Variants in PNKD observed in about 807,000 individuals in gnomAD.
PNKD encodes the protein PNKD metallo-beta-lactamase domain containing.
A neutral mutation model predicts 45.3 loss-of-function variants in PNKD; 36 were observed. That is an observed-to-expected ratio of 0.80 (90% confidence interval 0.61 to 1.05). The LOEUF (loss-of-function observed/expected upper bound fraction) is 1.05, where lower values mean the gene tolerates loss of function less well. Ranked by LOEUF, PNKD falls within the 50% of genes least tolerant of loss-of-function variation. The pLI, the probability that PNKD is intolerant of heterozygous loss-of-function variation, is 0.00. For missense variants in PNKD, 511 were observed against 506.6 expected, an observed-to-expected ratio of 1.01 and a Z score of -0.08; for synonymous variants, 197 against 210.1, an observed-to-expected ratio of 0.94 and a Z score of 0.54.
Position 218,277,198 on chromosome 2 carries a change from G to T in PNKD, c.236+5649G>T, listed in dbSNP as rs1314661664. 7.6e-6 allele frequency: 9 copies of T among 1,188,526 alleles called. No homozygotes were observed. The Admixed American group carries it at 1.1e-4, about 14-fold the overall frequency. The allele number at this position is 1,188,526 out of a possible 1,614,324, so 73.6% of individuals were successfully genotyped here. A position where few individuals can be genotyped will look rare whatever the true frequency, so the allele number is the denominator to read the frequency against. On this transcript the variant is annotated intron_variant, in intron 2 of 9. Transcript: ENST00000273077. ...GAGTCCCAGTGCTGCCTCCTAGGGG[G>T]TATGGGAATGTCCACAACATTCTAA... is the stretch of plus-strand genomic sequence containing the variant.
Position 218,320,051 on chromosome 2 carries a change from C to T in PNKD, c.237-19732C>T, listed in dbSNP as rs77206359. Among the ~76,000 whole-genome samples, 686 of 152,320 alleles carry T rather than the reference C, an allele frequency of 4.5e-3. 7 individuals are homozygous for T. Among genetic ancestry groups the T allele is most frequent in the African/African-American group, 0.015 (640 of 41,576 alleles). Reference sequence around the variant, plus strand: ...CTGGTCCGTGGTGACAAGGGAAAGGCATCTGAGGAGGTTGAAGAGACAGGC... The same window carrying T: ...CTGGTCCGTGGTGACAAGGGAAAGGTATCTGAGGAGGTTGAAGAGACAGGC... On this transcript the variant is annotated intron_variant, in intron 2 of 9. Coordinates refer to ENST00000273077, the MANE Select transcript of PNKD (RefSeq NM_015488.5).
intron 2 of PNKD, among the ~76,000 whole-genome samples, chr2:218,312,792 G>C (rs1406586122): frequency 6.6e-6 from 1 of 151,926 alleles, no homozygotes; most frequent in African/African-American, 2.4e-5. Context: ...AGAATCTCTT[G>C]AACCCGGGAA....
At chr2:218,302,741 C>A (rs568189948) in intron 2 of PNKD, among the ~76,000 whole-genome samples, 9 of 152,258 alleles carry the variant, frequency 5.9e-5, no homozygotes, top group African/African-American at 2.2e-4. Context: ...CAAATATGAG[C>A]GACTATGGCC....
chr2:218,334,419 T>C (rs545036183), intron 2 of PNKD, among the ~76,000 whole-genome samples: 16 of 152,246 alleles, frequency 1.1e-4, no homozygotes, highest in Non-Finnish European at 2.1e-4. Context: ...ATCTTTCATC[T>C]TGTCAATACA....
intron 2 of PNKD, chr2:218,280,205 A>G: frequency 9.5e-7 from 1 of 1,052,652 alleles, no homozygotes; most frequent in Non-Finnish European, 1.5e-6. Flanking sequence ...GACAATCTCA[A>G]AGTCTCAGGG....
intron 2 of PNKD, among the ~76,000 whole-genome samples, chr2:218,310,474 G>A (rs796611963): frequency 5.9e-5 from 9 of 151,358 alleles, no homozygotes; most frequent in African/African-American, 1.9e-4. Flanking sequence ...CCCCCACCTC[G>A]ACCTCTCAAA....
In PNKD at chr2:218,332,562, G is replaced by A. The variant is rs1245158441; in HGVS notation, c.237-7221G>A. 2.0e-5 allele frequency among the ~76,000 whole-genome samples: 3 copies of A among 151,982 alleles called. No homozygotes were observed. In the East Asian group the frequency reaches 5.8e-4, roughly 29 times the overall value. ...CTTCCCTTCCTCCTTCCCCATCTCAGCCCTGCCTTCTCCTGCTTTGCCCAA... is the reference window on the plus strand; with the variant it reads ...CTTCCCTTCCTCCTTCCCCATCTCAACCCTGCCTTCTCCTGCTTTGCCCAA... On this transcript the variant is annotated intron_variant, in intron 2 of 9. Coordinates refer to ENST00000273077, the MANE Select transcript of PNKD (RefSeq NM_015488.5).
At chr2:218,323,376 C>T (rs1440715543) in intron 2 of PNKD, 7 of 1,578,448 alleles carry the variant, frequency 4.4e-6, no homozygotes, top group Admixed American at 1.7e-5. Flanking sequence ...CCGAGCGCGG[C>T]GGGGCCTCCG....
chr2:218,336,454 A>G (rs1201234384), intron 2 of PNKD, among the ~76,000 whole-genome samples: 1 of 152,138 alleles, frequency 6.6e-6, no homozygotes, highest in African/African-American at 2.4e-5. Flanking sequence ...AAACGACATA[A>G]TTAATATTTC....
Position 218,340,872 on chromosome 2 carries a change from G to A in PNKD, c.524+86G>A. On this transcript the variant is annotated intron_variant, in intron 5 of 9. Coordinates refer to ENST00000273077, the MANE Select transcript of PNKD (RefSeq NM_015488.5). The surrounding 1 kb of genome is among the most constrained non-coding windows in gnomAD (Gnocchi z 4.2). ...CCCATTGAGGACGGCCGGGGCCAGAGATCAAGAAGTCAGTACGGGCCGGCA... is the reference window on the plus strand; with the variant it reads ...CCCATTGAGGACGGCCGGGGCCAGAAATCAAGAAGTCAGTACGGGCCGGCA... 2 of 1,142,016 alleles carry A rather than the reference G, an allele frequency of 1.8e-6. No individual in the cohort carries two copies. The highest frequency in any genetic ancestry group is 1.9e-4 in the Middle Eastern group (1 of 5,202). The allele number at this position is 1,142,016 out of a possible 1,614,324, so 70.7% of individuals were successfully genotyped here. A position where few individuals can be genotyped will look rare whatever the true frequency, so the allele number is the denominator to read the frequency against.
At chr2:218,320,546 TGACA>T (rs1374159106) in intron 2 of PNKD, among the ~76,000 whole-genome samples, 3 of 152,124 alleles carry the variant, frequency 2.0e-5, no homozygotes, top group Non-Finnish European at 4.4e-5. Flanking sequence ...CCAGCCTGAG[TGACA>T]GAGTGAGACC....
intron 2 of PNKD, chr2:218,272,929 A>T (rs997460532): frequency 2.0e-6 from 3 of 1,488,136 alleles, no homozygotes; most frequent in Admixed American, 2.1e-5. Flanking sequence ...AAAGTTATTG[A>T]GTGTTTAGTA....
chr2:218,339,950 C>T (rs1452306617), intron 3 of PNKD, 52 bp downstream of exon 3: 1 of 1,448,462 alleles, frequency 6.9e-7, no homozygotes, highest in South Asian at 1.2e-5. Flanking sequence ...CCCCACCCTC[C>T]CCGCCTGCTC....
chr2:218,279,522 C>T, intron 2 of PNKD: 1 of 561,780 alleles, frequency 1.8e-6, no homozygotes, highest in South Asian at 2.5e-5. Flanking sequence ...GCACTTCTTC[C>T]TCAGCCCCGC....
At chr2:218,317,057 G>A (rs1406821305) in intron 2 of PNKD, among the ~76,000 whole-genome samples, 1 of 152,198 alleles carries the variant, frequency 6.6e-6, no homozygotes, top group East Asian at 1.9e-4. Context: ...GGAGGTCCAT[G>A]TGTACTGGGG....
At chr2:218,320,507 G>T (rs1020485621) in intron 2 of PNKD, among the ~76,000 whole-genome samples, 23 of 152,208 alleles carry the variant, frequency 1.5e-4, no homozygotes, top group African/African-American at 4.3e-4. Flanking sequence ...GTTTGAGGCT[G>T]CAGTGAGCTA....
intron 2 of PNKD, chr2:218,327,981 G>GAAAAAAAAAA (rs1694205282): frequency 1.2e-5 from 1 of 84,592 alleles, no homozygotes. Context: ...AAAAAAAAAG[G>GAAAAAAAAAA]AAACTGTTAC....
At position 218,279,954 on chromosome 2, in the gene PNKD, G is replaced by A. The variant is rs1648098779; in HGVS notation, c.236+8405G>A. The A allele has an allele frequency of 4.5e-6, 5 of 1,114,188 alleles. No homozygotes were observed. In the South Asian group the frequency reaches 5.0e-5, roughly 11 times the overall value. 69.0% of individuals were successfully genotyped at this position (1,114,188 alleles called of 1,614,324 possible). On this transcript the variant is annotated intron_variant, in intron 2 of 9. Coordinates refer to ENST00000273077, the MANE Select transcript of PNKD (RefSeq NM_015488.5). ...ATGGAATTGATGCCCTGGGGCTACT[G>A]TGGCCTACCCACTTCCCATTCCCAC...
chr2:218,341,840 G>T (rs1694686209), intron 6 of PNKD, 141 bp from the exon 7 acceptor site: 1 of 801,958 alleles, frequency 1.2e-6, no homozygotes. Flanking sequence ...TCGGACCTGA[G>T]ACCCGAGGCA....
Sources: gnomAD v4.1 joint callset for allele counts (sites outside exome capture counted in the v4.1 genomes callset) on GRCh38, gnomAD v4.1.1 for gene constraint, Gnocchi (gnomAD v3.1) non-coding constraint, MANE v1.5 for transcripts, NCBI Gene and HGNC (gene_info 2026-07-23, HGNC 2026-07-21) for gene names.